The following GREM2 variants were observed in gnomAD, a reference collection of about 807,000 sequenced individuals.
GREM2 encodes the protein gremlin 2, DAN family BMP antagonist, also known as gremlin-2.
A neutral mutation model predicts 14.2 loss-of-function variants in GREM2; 11 were observed. The ratio of observed to expected loss-of-function variants is 0.78; its 90% CI spans 0.49 to 1.28. The LOEUF (loss-of-function observed/expected upper bound fraction) is 1.28. GREM2 is among the 50% of genes most tolerant of loss of function. The pLI is 0.00. For missense variants in GREM2, 210 were observed against 218.5 expected (o/e 0.96, Z 0.24); for synonymous variants, 98 against 97.6 (o/e 1.00, Z -0.02).
intron 1 of GREM2, among the ~76,000 whole-genome samples, chr1:240,499,891 G>T (rs1677527966): frequency 6.6e-6 from 1 of 152,192 alleles, no homozygotes; most frequent in Non-Finnish European, 1.5e-5. Context: ...AATGCCCATG[G>T]TCTAAAATAT....
chr1:240,519,944 G>A (rs1001917322), intron 1 of GREM2, among the ~76,000 whole-genome samples: 13 of 152,130 alleles, frequency 8.5e-5, no homozygotes, highest in African/African-American at 2.9e-4. Flanking sequence ...GCTGGGCGTG[G>A]TGGCGCATGC....
intron 1 of GREM2, among the ~76,000 whole-genome samples, chr1:240,570,054 C>T (rs1409282213): frequency 1.3e-5 from 2 of 152,142 alleles, no homozygotes; most frequent in Admixed American, 6.6e-5. Flanking sequence ...ATCTTCTATT[C>T]TGTGGATGCT....
intron 1 of GREM2, among the ~76,000 whole-genome samples, chr1:240,520,137 C>T (rs568118000): frequency 1.0e-4 from 13 of 127,640 alleles, no homozygotes; most frequent in Admixed American, 1.5e-4. Flanking sequence ...AACTATAATC[C>T]GGAATTGCTC....
intron 1 of GREM2, among the ~76,000 whole-genome samples, chr1:240,601,059 A>G (rs1173859893): frequency 1.3e-5 from 2 of 152,192 alleles, no homozygotes; most frequent in Non-Finnish European, 2.9e-5. Flanking sequence ...TAGTAATAGT[A>G]ATAAACTGTT....
intron 1 of GREM2, among the ~76,000 whole-genome samples, chr1:240,571,374 T>C (rs1679258032): frequency 6.6e-6 from 1 of 152,174 alleles, no homozygotes; most frequent in South Asian, 2.1e-4. Context: ...TCTTTTTCTG[T>C]AGAGTAGTTC....
At chr1:240,531,160 T>A (rs1277988506) in intron 1 of GREM2, among the ~76,000 whole-genome samples, 1 of 152,196 alleles carries the variant, frequency 6.6e-6, no homozygotes, top group Non-Finnish European at 1.5e-5. Flanking sequence ...AAGATCCCAC[T>A]TGGATTCCCA....
At chr1:240,494,416 A>G (rs1677358160) in intron 1 of GREM2, among the ~76,000 whole-genome samples, 1 of 152,220 alleles carries the variant, frequency 6.6e-6, no homozygotes, top group Non-Finnish European at 1.5e-5. Flanking sequence ...AAAAATTAGT[A>G]AGTACAAAGT....
chr1:240,597,430 G>T lies in GREM2; in HGVS notation c.-2+14454C>A, dbSNP rs368094143. Among the ~76,000 whole-genome samples, 13 of 152,338 alleles carry T rather than the reference G, an allele frequency of 8.5e-5. No homozygotes were observed. The East Asian group carries it at 1.4e-3, about 16-fold the overall frequency. ...TGATGTGAGAGCTGGGAACTGCTGA[G>T]AATAACAAGCACATAATCTCTTCTA... On this transcript the variant is annotated intron_variant, in intron 1 of 1. Transcript: ENST00000318160.
chr1:240,499,027 A>T (rs1447753851), intron 1 of GREM2, among the ~76,000 whole-genome samples: 1 of 152,196 alleles, frequency 6.6e-6, no homozygotes, highest in African/African-American at 2.4e-5. Context: ...ATACCAGAAT[A>T]AGGACTGCAC....
At chr1:240,600,189 AC>A (rs1483141409) in intron 1 of GREM2, among the ~76,000 whole-genome samples, 1 of 150,072 alleles carries the variant, frequency 6.7e-6, no homozygotes, top group African/African-American at 2.5e-5. Flanking sequence ...AAAACACACA[AC>A]TTTTTGGGCT....
intron 1 of GREM2, among the ~76,000 whole-genome samples, chr1:240,562,843 AGT>A (rs781283647): frequency 6.9e-6 from 1 of 144,556 alleles, no homozygotes; most frequent in South Asian, 2.2e-4. Flanking sequence ...TGTGTATATG[AGT>A]GTGTATGTGT....
intron 1 of GREM2, among the ~76,000 whole-genome samples, chr1:240,565,846 CAAA>C (rs57078582): frequency 2.1e-5 from 2 of 94,164 alleles, no homozygotes; most frequent in Non-Finnish European, 2.3e-5. Flanking sequence ...ACTCTGTCTC[CAAA>C]AAAAAAAAAA....
intron 1 of GREM2, among the ~76,000 whole-genome samples, chr1:240,533,889 T>C (rs746739799): frequency 4.6e-5 from 7 of 152,212 alleles, no homozygotes; most frequent in Non-Finnish European, 1.0e-4. Context: ...ATCAGGAGCA[T>C]GTCATTTTTG....
chr1:240,600,343 T>A (rs1310815580), intron 1 of GREM2, among the ~76,000 whole-genome samples: 2 of 152,138 alleles, frequency 1.3e-5, no homozygotes, highest in Admixed American at 6.5e-5. Context: ...CAGTGTAAAT[T>A]TCCCAGACCT....
intron 1 of GREM2, among the ~76,000 whole-genome samples, chr1:240,586,654 A>T (rs1451504665): frequency 6.6e-6 from 1 of 152,210 alleles, no homozygotes; most frequent in Admixed American, 6.5e-5. Flanking sequence ...AACTGCATGT[A>T]CCCATGATGT....
In GREM2 at chr1:240,543,590, C is replaced by T. The variant is rs765450579; in HGVS notation, c.-1-50114G>A. On this transcript the variant is annotated intron_variant, in intron 1 of 1. Coordinates refer to ENST00000318160, the MANE Select transcript of GREM2 (RefSeq NM_022469.4). This position sits in a 1 kb window ranked among gnomAD's most constrained non-coding sequence, Gnocchi z 6.4. ...ATTCAAGGTGAGATTTGGGAGGGGA[C>T]ACAGCCAAACCATACCAGGTAAGGA... is the stretch of plus-strand genomic sequence containing the variant. 5.9e-5 allele frequency among the ~76,000 whole-genome samples: 9 copies of T among 152,160 alleles called. No individual in the cohort carries two copies. The highest frequency in any genetic ancestry group is 1.2e-4 in the Non-Finnish European group (8 of 68,040).
chr1:240,510,232 T>C lies in GREM2; in HGVS notation c.-1-16756A>G, dbSNP rs34371792. On this transcript the variant is annotated intron_variant, in intron 1 of 1. Coordinates refer to ENST00000318160, the MANE Select transcript of GREM2 (RefSeq NM_022469.4). ...AAAATACAAAGAAATGAGCCGGGCGTGGTGGCGGGCGCCTGTAGTCCCAGC... is the reference window on the plus strand; with the variant it reads ...AAAATACAAAGAAATGAGCCGGGCGCGGTGGCGGGCGCCTGTAGTCCCAGC... Among the ~76,000 whole-genome samples the C allele has an allele frequency of 4.7e-3, 717 of 151,024 alleles. 5 individuals carry two copies. Among genetic ancestry groups the C allele is most frequent in the Non-Finnish European group, 7.6e-3 (517 of 67,744 alleles).
At chr1:240,526,575 C>T (rs1678226687) in intron 1 of GREM2, among the ~76,000 whole-genome samples, 2 of 152,132 alleles carry the variant, frequency 1.3e-5, no homozygotes, top group Admixed American at 1.3e-4. Context: ...TCTAACTTGC[C>T]TCTCTCCCAA....
At chr1:240,523,866 T>A (rs1678160706) in intron 1 of GREM2, among the ~76,000 whole-genome samples, 1 of 152,244 alleles carries the variant, frequency 6.6e-6, no homozygotes, top group African/African-American at 2.4e-5. Flanking sequence ...GCAGTTTGTA[T>A]GCTCAGCAAC....
Sources: gnomAD v4.1 joint callset for allele counts (sites outside exome capture counted in the v4.1 genomes callset) on GRCh38, gnomAD v4.1.1 for gene constraint, Gnocchi (gnomAD v3.1) non-coding constraint, MANE v1.5 for transcripts, NCBI Gene and HGNC (gene_info 2026-07-23, HGNC 2026-07-21) for gene names.